LPP: variants seen among roughly 807,000 people sequenced by gnomAD.
LPP encodes lipoma-preferred partner.
LPP carries 38 observed loss-of-function variants against 60.4 expected under a neutral mutation model. The observed-to-expected ratio is 0.63, with a 90% CI of 0.49 to 0.83. LPP has a LOEUF of 0.83. Among genes scored for constraint, LPP ranks in the 40% least tolerant of loss-of-function variants. The pLI is 0.00. For synonymous variants in LPP, 328 were observed against 290.8 expected, an observed-to-expected ratio of 1.13 and a Z score of -1.30; for missense variants, 902 against 783.6, an observed-to-expected ratio of 1.15 and a Z score of -1.80.
chr3:188,632,737 C>T (rs1363999772), intron 7 of LPP, among the ~76,000 whole-genome samples: 1 of 152,202 alleles, frequency 6.6e-6, no homozygotes, highest in Non-Finnish European at 1.5e-5. Flanking sequence ...CGTTTCAATA[C>T]TAACACTTAC....
chr3:188,283,045 T>C (rs1742656396), intron 2 of LPP, among the ~76,000 whole-genome samples: 1 of 152,050 alleles, frequency 6.6e-6, no homozygotes, highest in Non-Finnish European at 1.5e-5. Flanking sequence ...CCTGGGAACT[T>C]GGTTTTGGAG....
intron 2 of LPP, among the ~76,000 whole-genome samples, chr3:188,246,501 T>A (rs1726995728): frequency 6.6e-6 from 1 of 152,214 alleles, no homozygotes; most frequent in African/African-American, 2.4e-5. Flanking sequence ...TCATTTCTCT[T>A]ATCTGAAATC....
chr3:188,350,033 T>C (rs1351210021), intron 3 of LPP, among the ~76,000 whole-genome samples: 2 of 152,214 alleles, frequency 1.3e-5, no homozygotes, highest in Non-Finnish European at 2.9e-5. Context: ...CCATTTTGCT[T>C]GCTCTGGGGA....
At chr3:188,377,219 A>C (rs1426409542) in intron 3 of LPP, among the ~76,000 whole-genome samples, 1 of 152,036 alleles carries the variant, frequency 6.6e-6, no homozygotes, top group Non-Finnish European at 1.5e-5. Flanking sequence ...TCTTTGTGGC[A>C]TTCTCTGTAT....
intron 8 of LPP, among the ~76,000 whole-genome samples, chr3:188,731,518 T>TTTG (rs1720536029): frequency 1.3e-5 from 2 of 151,172 alleles, no homozygotes; most frequent in African/African-American, 4.9e-5. Context: ...TTTTGTTTTT[T>TTTG]TTGTTTTGTT....
intron 6 of LPP, among the ~76,000 whole-genome samples, chr3:188,540,592 T>C (rs1397212878): frequency 6.6e-6 from 1 of 152,166 alleles, no homozygotes. Flanking sequence ...ACTTAAACAT[T>C]TTGTGCCTCA....
At chr3:188,469,200 T>C (rs1431804183) in intron 4 of LPP, among the ~76,000 whole-genome samples, 6 of 152,040 alleles carry the variant, frequency 3.9e-5, no homozygotes, top group African/African-American at 1.4e-4. Context: ...ATTTTGGAGG[T>C]CTTGTAAACT....
rs139175143 is a variant in LPP, at chr3:188,781,401, C to T, written c.1410+21119C>T. ...TTCCAACATGAAGTTTGTATTAATC[C>T]GTTTTCACACTGTGAGGAAGAAATA... On this transcript the variant is annotated intron_variant, in intron 9 of 11. Coordinates refer to ENST00000617246, the MANE Select transcript of LPP (RefSeq NM_001375462.1). Among the ~76,000 whole-genome samples the T allele has an allele frequency of 3.9e-5, 6 of 152,066 alleles. No homozygotes were observed. In the South Asian group the frequency reaches 8.3e-4, roughly 21 times the overall value.
intron 3 of LPP, among the ~76,000 whole-genome samples, chr3:188,386,353 G>A (rs1306318278): frequency 6.6e-6 from 1 of 151,294 alleles, no homozygotes; most frequent in Admixed American, 6.6e-5. Flanking sequence ...CTGTCTTTCA[G>A]TAGATGATTT....
intron 7 of LPP, among the ~76,000 whole-genome samples, chr3:188,633,019 A>C (rs955360757): frequency 1.4e-4 from 22 of 152,196 alleles, no homozygotes; most frequent in Non-Finnish European, 8.8e-5. Flanking sequence ...AATCTGAGGA[A>C]AGTTGTTGGC....
At chr3:188,511,126 C>T (rs1815400523) in intron 5 of LPP, among the ~76,000 whole-genome samples, 1 of 120,722 alleles carries the variant, frequency 8.3e-6, no homozygotes, top group Admixed American at 8.4e-5. Flanking sequence ...TCCTTCCTAC[C>T]TGCTTCCCTC....
intron 7 of LPP, among the ~76,000 whole-genome samples, chr3:188,620,601 T>C (rs540298853): frequency 5.1e-4 from 77 of 152,362 alleles, no homozygotes; most frequent in African/African-American, 1.8e-3. Context: ...TTGGCTATTA[T>C]AAATAATGCT....
chr3:188,453,337 C>A lies in LPP; in HGVS notation c.194-31255C>A, dbSNP rs770982978. 1.1e-4 allele frequency among the ~76,000 whole-genome samples: 16 copies of A among 152,062 alleles called. 1 individual carries two copies. The highest frequency in any genetic ancestry group is 2.0e-4 in the Admixed American group (3 of 15,252). ...TGTTTGTTTGAGACAGGGTCTCACT[C>A]CGATCACCCAGGCTGGAGTGTAGAC... On this transcript the variant is annotated intron_variant, in intron 4 of 11. Coordinates refer to ENST00000617246, the MANE Select transcript of LPP (RefSeq NM_001375462.1).
intron 2 of LPP, among the ~76,000 whole-genome samples, chr3:188,309,349 G>T (rs1578010340): frequency 6.6e-6 from 1 of 152,180 alleles, no homozygotes; most frequent in South Asian, 2.1e-4. Context: ...AATATACAGT[G>T]GAGGAGAGTA....
chr3:188,760,386 T>A, intron 9 of LPP, 104 bp downstream of exon 9: 1 of 1,220,410 alleles, frequency 8.2e-7, no homozygotes, highest in Non-Finnish European at 1.2e-6. Context: ...TGCTTCTTCC[T>A]AGACTTCAAA....
chr3:188,678,295 C>A (rs60798362), intron 7 of LPP, among the ~76,000 whole-genome samples: 1 of 152,114 alleles, frequency 6.6e-6, no homozygotes, highest in Admixed American at 6.5e-5. Flanking sequence ...TCTTCTGTTG[C>A]GGGACATTAC....
At chr3:188,439,411 C>T (rs1793212516) in intron 4 of LPP, among the ~76,000 whole-genome samples, 1 of 152,212 alleles carries the variant, frequency 6.6e-6, no homozygotes, top group Admixed American at 6.5e-5. Context: ...CTGTGTGCTT[C>T]CTGCCTTGGC....
intron 7 of LPP, among the ~76,000 whole-genome samples, chr3:188,641,869 T>G (rs943212902): frequency 1.3e-5 from 2 of 152,174 alleles, no homozygotes; most frequent in Non-Finnish European, 2.9e-5. Context: ...TGATAGAAAC[T>G]CCCTGCTTTC....
chr3:188,803,303 G>A (rs1050895715), intron 9 of LPP, among the ~76,000 whole-genome samples: 6 of 152,012 alleles, frequency 3.9e-5, no homozygotes, highest in Non-Finnish European at 8.8e-5. Flanking sequence ...CCTTGGCTAG[G>A]ATTACAGGCA....
Sources: allele counts gnomAD v4.1 joint callset (sites outside exome capture counted in the v4.1 genomes callset), GRCh38; gene constraint gnomAD v4.1.1; transcripts MANE v1.5; gene names NCBI Gene and HGNC (gene_info 2026-07-23, HGNC 2026-07-21).